The following CHD7 variants were observed in gnomAD, a reference collection of about 807,000 sequenced individuals.
The protein encoded by CHD7 is chromodomain helicase DNA binding protein 7.
Under a neutral mutation model 307.3 loss-of-function variants are expected in CHD7, and 24 were observed. That is an observed-to-expected ratio of 0.08 (90% CI 0.06 to 0.11). The LOEUF is 0.11. Among genes scored for constraint, CHD7 ranks in the 10% least tolerant of loss-of-function variants. The pLI is 1.00. For synonymous variants in CHD7, 1,363 were observed against 1,349.9 expected (o/e 1.01, Z -0.21); for missense variants, 3,106 against 3,727.1 (o/e 0.83, Z 4.34).
intron 8 of CHD7, 52 bp downstream of exon 8, chr8:60,816,553 T>C: frequency 1.8e-6 from 2 of 1,100,442 alleles, no homozygotes; most frequent in Non-Finnish European, 2.6e-6. Context: ...TAAAATGTTC[T>C]AAATTTAAAA....
rs188930870 is a variant in CHD7, at chr8:60,788,231, C to T, written c.2097-6755C>T. On this transcript the variant is annotated intron_variant, in intron 3 of 37. Coordinates refer to ENST00000423902, the MANE Select transcript of CHD7 (RefSeq NM_017780.4). Reference sequence around the variant, plus strand: ...CTCAGCCTCCTGGGCTCAAGCAGTCCTCCCTCCTCCCACCTCAGTCTCTCT... The same window carrying T: ...CTCAGCCTCCTGGGCTCAAGCAGTCTTCCCTCCTCCCACCTCAGTCTCTCT... Among the ~76,000 whole-genome samples, 437 of 152,050 alleles carry T rather than the reference C, an allele frequency of 2.9e-3. 4 individuals are homozygous for T. Among genetic ancestry groups the T allele is most frequent in the African/African-American group, 0.01 (418 of 41,494 alleles).
chr8:60,779,492 G>T (rs1044290907), intron 2 of CHD7, among the ~76,000 whole-genome samples: 2 of 152,186 alleles, frequency 1.3e-5, no homozygotes, highest in African/African-American at 2.4e-5. Flanking sequence ...TTTCCTTTCT[G>T]AAAGTTGGGG....
At chr8:60,770,388 CTGTT>C (rs1401808371) in intron 2 of CHD7, among the ~76,000 whole-genome samples, 2 of 152,168 alleles carry the variant, frequency 1.3e-5, no homozygotes, top group East Asian at 1.9e-4. Flanking sequence ...CACAACACTG[CTGTT>C]TGTTTATTAT....
chr8:60,739,599 A>T (rs560478409), intron 1 of CHD7, among the ~76,000 whole-genome samples: 1 of 152,152 alleles, frequency 6.6e-6, no homozygotes, highest in Non-Finnish European at 1.5e-5. Context: ...GAGTGAAGAG[A>T]CCTTTGACTT....
At chr8:60,825,739 T>A (rs531996035) in intron 13 of CHD7, among the ~76,000 whole-genome samples, 1 of 152,360 alleles carries the variant, frequency 6.6e-6, no homozygotes, top group Non-Finnish European at 1.5e-5. Context: ...TATTATTAGT[T>A]CATGTGTTCC....
chr8:60,837,949 A>G, intron 18 of CHD7, 114 bp downstream of exon 18: 1 of 1,262,786 alleles, frequency 7.9e-7, no homozygotes, highest in Non-Finnish European at 1.1e-6. Context: ...TTTTAAGTGT[A>G]TTTTGTAACA....
At chr8:60,811,117 G>A (rs984717207) in intron 7 of CHD7, among the ~76,000 whole-genome samples, 29 of 152,180 alleles carry the variant, frequency 1.9e-4, no homozygotes, top group African/African-American at 5.6e-4. Flanking sequence ...TGTCTTCCAC[G>A]AAACTGGTCC....
At chr8:60,852,282 T>C (rs1805488502) in intron 29 of CHD7, 35 bp downstream of exon 29, 1 of 1,569,662 alleles carries the variant, frequency 6.4e-7, no homozygotes, top group Non-Finnish European at 8.7e-7. Flanking sequence ...CAGCTCCCGG[T>C]ACATGCCCCT....
At chr8:60,859,470 A>G (rs1054918794) in intron 34 of CHD7, among the ~76,000 whole-genome samples, 2 of 152,202 alleles carry the variant, frequency 1.3e-5, no homozygotes, top group African/African-American at 4.8e-5. Flanking sequence ...AGTGTTTAGG[A>G]TGGGGTAGCA....
At position 60,853,273 on chromosome 8, in the gene CHD7, C is replaced by T. The variant is rs762607636; in HGVS notation, c.6548C>T (p.Ala2183Val). Residue 2183 changes from alanine (A) to valine (V), a missense_variant, in exon 31 of 38, where the codon GCC becomes GTC. Ala to Val is a moderately conservative substitution (Grantham distance 64). Transcript: ENST00000423902. ...GTGGAGGAGCCTGAAAACCCAGCTG[C>T]CAAGGAGAAATGTGAGGGCAAAGAA... ...GKVEEPENPAAKEKCEGKEEE... is the reference protein window; with the variant it reads ...GKVEEPENPAVKEKCEGKEEE... The T allele has an allele frequency of 6.2e-7, 1 of 1,612,152 alleles. No homozygotes were observed. Among genetic ancestry groups the T allele is most frequent in the Non-Finnish European group, 8.5e-7 (1 of 1,178,792 alleles).
In CHD7 at chr8:60,865,265, C is replaced by T. The variant is rs773045619; in HGVS notation, c.8326C>T (p.Pro2776Ser). The change falls in exon 38 of 38, where the codon CCT becomes TCT. Residue 2776 changes from proline (P) to serine (S), a missense_variant. By Grantham distance (74) the Pro-to-Ser change is moderately conservative (BLOSUM62 -1). Around this residue, in one of 10 missense-constraint regions of CHD7, gnomAD observed 351 missense variants for 366.2 expected, o/e 0.96. Coordinates refer to ENST00000423902, the MANE Select transcript of CHD7 (RefSeq NM_017780.4). The surrounding 1 kb of genome is among the most constrained non-coding windows in gnomAD (Gnocchi z 4.3). ...CCAGCTGGCAGGCCTCATGGGCTTC[C>T]CTCCAGGACTGGCAACAGCTGCCAC... Reference protein sequence around the residue: ...SLQLAGLMGFPPGLATAATAG... With the variant: ...SLQLAGLMGFSPGLATAATAG... 4.4e-6 allele frequency: 7 copies of T among 1,607,746 alleles called. No homozygotes were observed. Among genetic ancestry groups the T allele is most frequent in the Non-Finnish European group, 5.1e-6 (6 of 1,177,228 alleles).
intron 10 of CHD7, 40 bp downstream of exon 10, chr8:60,821,967 A>T (rs768366441): frequency 6.2e-7 from 1 of 1,613,302 alleles, no homozygotes; most frequent in South Asian, 1.1e-5. Flanking sequence ...ATTTGAAAAT[A>T]GCATAGTGGT....
intron 9 of CHD7, among the ~76,000 whole-genome samples, chr8:60,821,258 T>C (rs1037425362): frequency 1.3e-5 from 2 of 152,150 alleles, no homozygotes; most frequent in Admixed American, 6.6e-5. Context: ...ATAAAAAAAA[T>C]CTCAAATTCA....
intron 1 of CHD7, among the ~76,000 whole-genome samples, chr8:60,690,426 G>A (rs901747975): frequency 1.3e-5 from 2 of 151,944 alleles, no homozygotes; most frequent in Non-Finnish European, 2.9e-5. Flanking sequence ...TCAGAGCTGT[G>A]TTTATCACCA....
chr8:60,728,826 T>G (rs975569295), intron 1 of CHD7, among the ~76,000 whole-genome samples: 1 of 152,236 alleles, frequency 6.6e-6, no homozygotes, highest in Non-Finnish European at 1.5e-5. Flanking sequence ...TTATTTATTT[T>G]AACTTGTAGG....
At chr8:60,800,121 C>T (rs1281700920) in intron 4 of CHD7, among the ~76,000 whole-genome samples, 3 of 152,024 alleles carry the variant, frequency 2.0e-5, no homozygotes, top group East Asian at 3.9e-4. Context: ...AGCTCCACCT[C>T]GTGGGTTCGC....
chr8:60,808,096 G>T (rs941963463), intron 6 of CHD7, 121 bp from the exon 7 acceptor site: 3 of 722,318 alleles, frequency 4.2e-6, no homozygotes, highest in Admixed American at 2.4e-5. Context: ...CTCATCTTAC[G>T]TGAAGGTCCT....
chr8:60,842,694 A>G (rs1805026237), intron 21 of CHD7, among the ~76,000 whole-genome samples: 1 of 151,534 alleles, frequency 6.6e-6, no homozygotes, highest in Non-Finnish European at 1.5e-5. Context: ...ACTCCTGTTA[A>G]AAAAAAAACT....
At chr8:60,797,561 C>T (rs1460753023) in intron 4 of CHD7, among the ~76,000 whole-genome samples, 2 of 152,146 alleles carry the variant, frequency 1.3e-5, no homozygotes, top group Non-Finnish European at 1.5e-5. Flanking sequence ...ACTTATATGG[C>T]ACAACACTGT....
Sources: allele counts gnomAD v4.1 joint callset (sites outside exome capture counted in the v4.1 genomes callset), GRCh38; gene constraint gnomAD v4.1.1; regional missense constraint gnomAD v4.1.1; non-coding constraint Gnocchi (gnomAD v3.1); transcripts MANE v1.5; gene names NCBI Gene and HGNC (gene_info 2026-07-23, HGNC 2026-07-21).